Variants in MTUS2 observed in about 807,000 individuals in gnomAD.
MTUS2 encodes the protein microtubule associated scaffold protein 2.
In MTUS2, 40 loss-of-function variants were observed where a neutral mutation model predicts 114.1. The ratio of observed to expected loss-of-function variants is 0.35; its 90% CI spans 0.27 to 0.46. MTUS2 has a LOEUF of 0.46. Among genes scored for constraint, MTUS2 ranks in the 20% least tolerant of loss-of-function variants. MTUS2 has a pLI of 1.00. For missense variants in MTUS2, 1,679 were observed against 1,705.4 expected (o/e 0.98, Z 0.27); for synonymous variants, 688 against 672.0 (o/e 1.02, Z -0.37).
intron 2 of MTUS2, among the ~76,000 whole-genome samples, chr13:28,910,612 A>C (rs1389154283): frequency 6.6e-6 from 1 of 151,520 alleles, no homozygotes; most frequent in Non-Finnish European, 1.5e-5. Context: ...GCTCTCACTT[A>C]TAAGTGAAAA....
intron 7 of MTUS2, among the ~76,000 whole-genome samples, chr13:29,335,313 C>T (rs1229635956): frequency 6.6e-6 from 1 of 152,020 alleles, no homozygotes; most frequent in Non-Finnish European, 1.5e-5. Context: ...GAAATTCCTG[C>T]CTAATAAATT....
chr13:29,184,312 CA>C (rs1443731428), intron 5 of MTUS2, among the ~76,000 whole-genome samples: 32 of 152,182 alleles, frequency 2.1e-4, no homozygotes, highest in Admixed American at 5.2e-4. Context: ...CCTCACCTTC[CA>C]AAGGCAGTCA....
chr13:29,275,640 G>C (rs543816019), intron 5 of MTUS2, among the ~76,000 whole-genome samples: 1 of 152,176 alleles, frequency 6.6e-6, no homozygotes, highest in East Asian at 1.9e-4. Context: ...TCTGTGTCTG[G>C]CTTACTTCAC....
intron 2 of MTUS2, among the ~76,000 whole-genome samples, chr13:28,937,425 C>G (rs779853710): frequency 6.6e-6 from 1 of 152,116 alleles, no homozygotes; most frequent in African/African-American, 2.4e-5. Flanking sequence ...CAGCCATCAG[C>G]GGCAACCCGC....
intron 3 of MTUS2, among the ~76,000 whole-genome samples, chr13:29,030,409 C>G (rs1456393987): frequency 6.6e-6 from 1 of 152,168 alleles, no homozygotes; most frequent in African/African-American, 2.4e-5. Flanking sequence ...CTCCCTGTAT[C>G]TGGGGACCAT....
intron 6 of MTUS2, among the ~76,000 whole-genome samples, chr13:29,296,476 G>A (rs1461144933): frequency 6.6e-6 from 1 of 152,000 alleles, no homozygotes; most frequent in Non-Finnish European, 1.5e-5. Flanking sequence ...CTCCCAAAGT[G>A]GCATTAGCCA....
intron 5 of MTUS2, among the ~76,000 whole-genome samples, chr13:29,132,733 A>G (rs1891819338): frequency 6.6e-6 from 1 of 152,290 alleles, no homozygotes; most frequent in Non-Finnish European, 1.5e-5. Flanking sequence ...TGCATAGACC[A>G]TATTTTGTTT....
At position 29,371,254 on chromosome 13, in the gene MTUS2, C is replaced by G. The variant is rs1871172043; in HGVS notation, c.3117+11781C>G. On this transcript the variant is annotated intron_variant, in intron 8 of 15. Transcript: ENST00000612955. ...CTTTTTTGAGATGGAGTCTCGCTCT[C>G]TTGCCCAGGCTGGAGTGCAGTGGTG... Among the ~76,000 whole-genome samples, 5 of 141,132 alleles carry G rather than the reference C, an allele frequency of 3.5e-5. No homozygotes were observed. The South Asian group carries it at 1.0e-3, about 29-fold the overall frequency. 92.6% of individuals were successfully genotyped at this position (141,132 alleles called of 152,430 possible). A position where few individuals can be genotyped will look rare whatever the true frequency, so the allele number is the denominator to read the frequency against.
intron 8 of MTUS2, among the ~76,000 whole-genome samples, chr13:29,372,671 A>T (rs949416678): frequency 3.3e-5 from 5 of 152,206 alleles, no homozygotes; most frequent in African/African-American, 1.2e-4. Flanking sequence ...GCTAATTTTC[A>T]TACCTAAGAT....
At chr13:28,835,110 T>TA (rs1382608612) in intron 1 of MTUS2, among the ~76,000 whole-genome samples, 1 of 152,210 alleles carries the variant, frequency 6.6e-6, no homozygotes, top group Non-Finnish European at 1.5e-5. Flanking sequence ...AGTTGATAGT[T>TA]ACTCAAATTA....
chr13:28,948,887 A>G (rs1385487778), intron 2 of MTUS2, among the ~76,000 whole-genome samples: 3 of 151,930 alleles, frequency 2.0e-5, no homozygotes, highest in African/African-American at 4.8e-5. Context: ...GGTCTTCCCT[A>G]CTCCCATGTT....
intron 9 of MTUS2, among the ~76,000 whole-genome samples, chr13:29,479,790 T>G (rs1443241575): frequency 6.6e-6 from 1 of 152,198 alleles, no homozygotes; most frequent in Non-Finnish European, 1.5e-5. Context: ...AGAGTCTACA[T>G]TTTTACCAAA....
intron 9 of MTUS2, among the ~76,000 whole-genome samples, chr13:29,466,809 G>A (rs991274583): frequency 3.7e-4 from 55 of 150,134 alleles, no homozygotes; most frequent in African/African-American, 1.2e-3. Flanking sequence ...CCTGGGAGGC[G>A]GAGTTTGCAG....
At chr13:28,894,923 T>C (rs1195248520) in intron 2 of MTUS2, among the ~76,000 whole-genome samples, 3 of 152,240 alleles carry the variant, frequency 2.0e-5, no homozygotes. Context: ...AATTGGCTAA[T>C]TTATGATTAA....
chr13:29,391,172 T>C (rs1245264272), intron 8 of MTUS2, among the ~76,000 whole-genome samples: 1 of 152,018 alleles, frequency 6.6e-6, no homozygotes, highest in African/African-American at 2.4e-5. Context: ...TCACTGCAAC[T>C]TCCATGTCCC....
At chr13:29,193,666 G>C (rs1481396483) in intron 5 of MTUS2, among the ~76,000 whole-genome samples, 1 of 152,118 alleles carries the variant, frequency 6.6e-6, no homozygotes, top group Non-Finnish European at 1.5e-5. Context: ...TGGCCATACT[G>C]CCCAAGGTAA....
At chr13:29,278,111 A>G (rs1480957191) in intron 5 of MTUS2, among the ~76,000 whole-genome samples, 3 of 152,210 alleles carry the variant, frequency 2.0e-5, no homozygotes. Context: ...GGGCTGCTAT[A>G]TAGAAAACAA....
chr13:29,460,264 T>C (rs57161860), intron 9 of MTUS2, among the ~76,000 whole-genome samples: 9,739 of 152,182 alleles, frequency 0.064, 351 homozygotes, highest in African/African-American at 0.085. Context: ...TTCCTACAAG[T>C]GCTGTGCCTC....
intron 2 of MTUS2, among the ~76,000 whole-genome samples, chr13:28,881,954 A>G (rs749783254): frequency 3.9e-5 from 6 of 152,236 alleles, no homozygotes; most frequent in Middle Eastern, 3.2e-3. Flanking sequence ...AGGTATTGCA[A>G]TGGAGAAAGG....
Sources: allele counts gnomAD v4.1 joint callset (sites outside exome capture counted in the v4.1 genomes callset), GRCh38; gene constraint gnomAD v4.1.1; transcripts MANE v1.5; gene names NCBI Gene and HGNC (gene_info 2026-07-23, HGNC 2026-07-21).